Variants in GHR observed in about 807,000 individuals in gnomAD.
GHR encodes GH receptor.
GHR carries 35 observed loss-of-function variants against 67.1 expected under a neutral mutation model. That is an observed-to-expected ratio of 0.52 (90% confidence interval 0.40 to 0.69). The LOEUF (loss-of-function observed/expected upper bound fraction) is 0.69. Among genes scored for constraint, GHR ranks in the 30% least tolerant of loss-of-function variants. GHR has a pLI of 0.00. For missense variants in GHR, 792 were observed against 764.6 expected, an observed-to-expected ratio of 1.04 and a Z score of -0.42; for synonymous variants, 272 against 269.1, an observed-to-expected ratio of 1.01 and a Z score of -0.10.
intron 1 of GHR, among the ~76,000 whole-genome samples, chr5:42,478,372 T>TAA: frequency 6.6e-6 from 1 of 152,314 alleles, no homozygotes; most frequent in Admixed American, 6.5e-5. Flanking sequence ...TGCAGGCTCT[T>TAA]TTTTGGTTCC....
At position 42,628,990 on chromosome 5, in the gene GHR, A is replaced by T; in HGVS notation, c.71-48A>T. On this transcript the variant is annotated intron_variant, in intron 2 of 9. Coordinates refer to ENST00000230882, the MANE Select transcript of GHR (RefSeq NM_000163.5). ...TTTAGTTTACACAGGGTCATATCAG[A>T]TTGTTTTGATGGGGATGACTAATGG... The T allele has an allele frequency of 2.9e-6, 3 of 1,044,014 alleles. 1 individual carries two copies. Among genetic ancestry groups the T allele is most frequent in the Non-Finnish European group, 4.3e-6 (3 of 691,864 alleles). 64.7% of individuals were successfully genotyped at this position (1,044,014 alleles called of 1,614,324 possible).
Position 42,718,887 on chromosome 5 carries a change from T to C in GHR, c.1380T>C (p.Pro460=), listed in dbSNP as rs889387775. 2 of 1,614,102 alleles carry C rather than the reference T, an allele frequency of 1.2e-6. No individual in the cohort carries two copies. Among genetic ancestry groups the C allele is most frequent in the Non-Finnish European group, 1.7e-6 (2 of 1,179,986 alleles). Residue 460 remains proline (P), a synonymous_variant, in exon 10 of 10, where the codon CCT becomes CCC. Transcript: ENST00000230882. ...AGAAAAACAAACCACAACCACTTCCTACTGAAGGAGCTGAGTCAACTCACC... is the reference window on the plus strand; with the variant it reads ...AGAAAAACAAACCACAACCACTTCCCACTGAAGGAGCTGAGTCAACTCACC... ...QAEKNKPQPL[P]TEGAESTHQA...
intron 3 of GHR, among the ~76,000 whole-genome samples, chr5:42,661,359 G>T (rs550577661): frequency 6.6e-6 from 1 of 152,184 alleles, no homozygotes; most frequent in East Asian, 1.9e-4. Flanking sequence ...AGAGAGAAAG[G>T]TCGGGTTACC....
chr5:42,474,627 C>T (rs2972416), intron 1 of GHR, among the ~76,000 whole-genome samples: 3 of 151,650 alleles, frequency 2.0e-5, no homozygotes, highest in African/African-American at 7.3e-5. Context: ...ACAACAACAA[C>T]AAAAAAAGGC....
intron 2 of GHR, among the ~76,000 whole-genome samples, chr5:42,620,755 C>G (rs1332630208): frequency 1.3e-5 from 2 of 152,102 alleles, no homozygotes; most frequent in East Asian, 3.9e-4. Context: ...GAAGGTGGCT[C>G]CAGCACGCTA....
intron 1 of GHR, among the ~76,000 whole-genome samples, chr5:42,540,782 A>C (rs2112377027): frequency 6.6e-6 from 1 of 151,996 alleles, no homozygotes; most frequent in East Asian, 1.9e-4. Context: ...CCCATGATCA[A>C]CCCATGCCCA....
intron 3 of GHR, among the ~76,000 whole-genome samples, chr5:42,655,426 G>A (rs1194264006): frequency 6.6e-6 from 1 of 152,112 alleles, no homozygotes; most frequent in Non-Finnish European, 1.5e-5. Flanking sequence ...GAATGGAACA[G>A]AAAGTGTTTG....
chr5:42,441,380 A>G (rs574496995), intron 1 of GHR, among the ~76,000 whole-genome samples: 1 of 152,348 alleles, frequency 6.6e-6, no homozygotes, highest in African/African-American at 2.4e-5. Flanking sequence ...GGCAGAAGCC[A>G]GAATGAAGTG....
intron 1 of GHR, among the ~76,000 whole-genome samples, chr5:42,483,523 C>T (rs1745748726): frequency 6.7e-6 from 1 of 149,548 alleles, no homozygotes; most frequent in South Asian, 2.1e-4. Context: ...CCGTGTGTTT[C>T]TTCACAACAT....
At chr5:42,515,399 C>A (rs1747193927) in intron 1 of GHR, among the ~76,000 whole-genome samples, 1 of 152,202 alleles carries the variant, frequency 6.6e-6, no homozygotes, top group Non-Finnish European at 1.5e-5. Flanking sequence ...CCAATGGAAT[C>A]TGCTTTATAA....
intron 5 of GHR, among the ~76,000 whole-genome samples, chr5:42,697,666 G>C (rs4637559): frequency 0.7 from 106,128 of 151,968 alleles, 37,864 homozygotes; most frequent in East Asian, 0.86. Flanking sequence ...AGACCAAATC[G>C]CACAGACAAG....
chr5:42,557,728 A>C (rs1182889182), intron 1 of GHR, among the ~76,000 whole-genome samples: 2 of 152,192 alleles, frequency 1.3e-5, no homozygotes, highest in African/African-American at 4.8e-5. Context: ...GGTAGAAGCT[A>C]ATGTCTCCTG....
intron 3 of GHR, among the ~76,000 whole-genome samples, chr5:42,665,207 A>G (rs1330579853): frequency 2.0e-5 from 3 of 152,286 alleles, no homozygotes; most frequent in African/African-American, 4.8e-5. Context: ...TCAGGGATCT[A>G]GAACTAGAAA....
At chr5:42,565,535 AC>A in intron 1 of GHR, 1 of 985,376 alleles carries the variant, frequency 1.0e-6, no homozygotes, top group Non-Finnish European at 1.2e-6. Flanking sequence ...ATTAAAGCAA[AC>A]CTTACTGGCC....
intron 1 of GHR, among the ~76,000 whole-genome samples, chr5:42,515,716 A>C (rs1439312273): frequency 1.3e-5 from 2 of 152,252 alleles, no homozygotes; most frequent in Non-Finnish European, 2.9e-5. Flanking sequence ...CTGTTTATTT[A>C]GCTGGAGAAA....
intron 1 of GHR, chr5:42,468,608 C>G: frequency 9.7e-7 from 1 of 1,032,786 alleles, no homozygotes; most frequent in South Asian, 1.5e-5. Context: ...GTCAACCACG[C>G]CAACGCTGGA....
chr5:42,465,620 A>G, intron 1 of GHR: 1 of 1,040,670 alleles, frequency 9.6e-7, no homozygotes, highest in East Asian at 2.4e-5. Flanking sequence ...GGACTCTGTT[A>G]ATTCATCTTT....
intron 2 of GHR, among the ~76,000 whole-genome samples, chr5:42,576,952 A>C (rs1750780202): frequency 6.6e-6 from 1 of 152,234 alleles, no homozygotes; most frequent in South Asian, 2.1e-4. Context: ...AGTTACTGGT[A>C]AGAGGTTTTC....
chr5:42,662,358 A>G (rs1285846805), intron 3 of GHR, among the ~76,000 whole-genome samples: 1 of 152,200 alleles, frequency 6.6e-6, no homozygotes, highest in African/African-American at 2.4e-5. Context: ...GTTCGAAGCA[A>G]AGCTCTCCTC....
Sources: gnomAD v4.1 joint callset for allele counts (sites outside exome capture counted in the v4.1 genomes callset) on GRCh38, gnomAD v4.1.1 for gene constraint, MANE v1.5 for transcripts, NCBI Gene and HGNC (gene_info 2026-07-23, HGNC 2026-07-21) for gene names.